The following ANKFN1 variants were observed in gnomAD, a reference collection of about 807,000 sequenced individuals.
ANKFN1 encodes the protein ankyrin repeat and fibronectin type III domain containing 1, also known as ankyrin repeat and fibronectin type-III domain-containing protein 1.
ANKFN1 carries 74 observed loss-of-function variants against 108.7 expected under a neutral mutation model. That is an observed-to-expected ratio of 0.68 (90% CI 0.56 to 0.83). ANKFN1 has a LOEUF of 0.83. ANKFN1 is among the 40% of genes least tolerant of loss of function. The probability of loss-of-function intolerance (pLI) is 0.00; values close to 1 mark genes in which losing one functional copy is unlikely to be tolerated. For synonymous variants in ANKFN1, 547 were observed against 516.2 expected (o/e 1.06, Z -0.81); for missense variants, 1,505 against 1,382.3 (o/e 1.09, Z -1.41).
chr17:56,050,316 C>T (rs1178965618), intron 4 of ANKFN1, among the ~76,000 whole-genome samples: 44 of 149,438 alleles, frequency 2.9e-4, no homozygotes, highest in Non-Finnish European at 4.6e-4. Flanking sequence ...GAGTAGGTTG[C>T]GGAAATTTTC....
At chr17:56,326,114 T>C in intron 3 of ANKFN1, 107 bp from the exon 4 acceptor site, 1 of 1,427,582 alleles carries the variant, frequency 7.0e-7, no homozygotes, top group East Asian at 2.4e-5. Context: ...TCCCTTTCTC[T>C]CCCTATGCAT....
At chr17:56,406,157 C>T (rs1025217985) in intron 8 of ANKFN1, among the ~76,000 whole-genome samples, 8 of 152,112 alleles carry the variant, frequency 5.3e-5, no homozygotes, top group African/African-American at 1.7e-4. Context: ...TTTAAAATCA[C>T]GTAAGGGCAG....
chr17:56,281,678 G>A (rs1387418613), intron 3 of ANKFN1, among the ~76,000 whole-genome samples: 2 of 152,000 alleles, frequency 1.3e-5, no homozygotes, highest in Non-Finnish European at 2.9e-5. Flanking sequence ...TTTTAAAACA[G>A]GCAAAAAACT....
At chr17:56,112,879 A>G (rs1906047045) in intron 4 of ANKFN1, among the ~76,000 whole-genome samples, 1 of 152,208 alleles carries the variant, frequency 6.6e-6, no homozygotes, top group Admixed American at 6.5e-5. Context: ...TGTATCAGAT[A>G]TATATACACA....
chr17:56,122,853 GT>G (rs1873847142), intron 4 of ANKFN1, among the ~76,000 whole-genome samples: 1 of 152,186 alleles, frequency 6.6e-6, no homozygotes, highest in East Asian at 1.9e-4. Flanking sequence ...GTTACCTGTT[GT>G]TTTTTCAGGG....
At chr17:56,270,283 G>C (rs1237831052) in intron 3 of ANKFN1, among the ~76,000 whole-genome samples, 2 of 152,104 alleles carry the variant, frequency 1.3e-5, no homozygotes, top group African/African-American at 2.4e-5. Context: ...CTTGAGACAG[G>C]GCAGCTTGCC....
chr17:56,178,356 G>C (rs574790400), intron 1 of ANKFN1, among the ~76,000 whole-genome samples: 3 of 152,118 alleles, frequency 2.0e-5, no homozygotes, highest in African/African-American at 7.2e-5. Flanking sequence ...CATTAGATAC[G>C]TAAAGTTCCC....
intron 1 of ANKFN1, among the ~76,000 whole-genome samples, chr17:56,165,727 G>A (rs1910082166): frequency 6.6e-6 from 1 of 152,104 alleles, no homozygotes; most frequent in South Asian, 2.1e-4. Context: ...TCCAAGGATT[G>A]TTGAAACATG....
chr17:56,060,939 C>A (rs547571051), intron 4 of ANKFN1, among the ~76,000 whole-genome samples: 13 of 152,272 alleles, frequency 8.5e-5, no homozygotes, highest in Admixed American at 6.5e-4. Context: ...ATAATTCTGG[C>A]TTCATCATAA....
intron 4 of ANKFN1, 142 bp from the exon 5 acceptor site, chr17:56,350,624 A>C (rs1440693734): frequency 1.3e-6 from 1 of 746,588 alleles, no homozygotes; most frequent in Non-Finnish European, 2.1e-6. Context: ...ACATAAAAAA[A>C]GCTGGGTCTG....
intron 3 of ANKFN1, among the ~76,000 whole-genome samples, chr17:56,301,419 T>C (rs925941487): frequency 6.6e-6 from 1 of 152,248 alleles, no homozygotes; most frequent in African/African-American, 2.4e-5. Flanking sequence ...CTTGGTTTAA[T>C]CTGAAATGCT....
intron 3 of ANKFN1, among the ~76,000 whole-genome samples, chr17:56,240,650 G>T (rs1178520530): frequency 6.6e-6 from 1 of 152,040 alleles, no homozygotes; most frequent in Non-Finnish European, 1.5e-5. Context: ...CTATGAGCAG[G>T]TCATGTAAGT....
chr17:56,256,349 A>T (rs1426374496), intron 3 of ANKFN1, among the ~76,000 whole-genome samples: 3 of 152,238 alleles, frequency 2.0e-5, no homozygotes, highest in Admixed American at 6.5e-5. Context: ...CTCAAAACTC[A>T]GGCATTTTCC....
At chr17:56,370,894 G>C (rs191419053) in intron 6 of ANKFN1, among the ~76,000 whole-genome samples, 2 of 151,680 alleles carry the variant, frequency 1.3e-5, no homozygotes, top group African/African-American at 4.8e-5. Flanking sequence ...GCACCTTGAG[G>C]CTACTAATAT....
At chr17:56,302,580 T>G (rs1441545667) in intron 3 of ANKFN1, among the ~76,000 whole-genome samples, 1 of 151,558 alleles carries the variant, frequency 6.6e-6, no homozygotes, top group Non-Finnish European at 1.5e-5. Context: ...AAAAACGTAT[T>G]TGTCTAATTA....
At chr17:56,358,104 G>A (rs1252811850) in intron 6 of ANKFN1, among the ~76,000 whole-genome samples, 2 of 152,092 alleles carry the variant, frequency 1.3e-5, no homozygotes, top group Non-Finnish European at 2.9e-5. Flanking sequence ...CTCTCCATCT[G>A]CTCCTCTTCT....
At chr17:56,112,928 A>C (rs1360587608) in intron 4 of ANKFN1, among the ~76,000 whole-genome samples, 1 of 152,030 alleles carries the variant, frequency 6.6e-6, no homozygotes, top group African/African-American at 2.4e-5. Context: ...CATGTAATTG[A>C]TGTGTGTATG....
intron 1 of ANKFN1, among the ~76,000 whole-genome samples, chr17:56,207,594 CA>C (rs1003977163): frequency 1.3e-5 from 2 of 152,164 alleles, no homozygotes; most frequent in African/African-American, 4.8e-5. Flanking sequence ...ATTGCAGTGG[CA>C]AATGCCTCTG....
At chr17:56,105,711 CTGTGTG>C (rs147924842) in intron 4 of ANKFN1, among the ~76,000 whole-genome samples, 1,537 of 144,636 alleles carry the variant, frequency 0.011, 23 homozygotes, top group African/African-American at 0.037. Flanking sequence ...GTTTTTTTGT[CTGTGTG>C]TGTGTGTGTG....
Sources: allele counts gnomAD v4.1 joint callset (sites outside exome capture counted in the v4.1 genomes callset), GRCh38; gene constraint gnomAD v4.1.1; transcripts MANE v1.5; gene names NCBI Gene and HGNC (gene_info 2026-07-23, HGNC 2026-07-21).